The following LRRC37A2 variants were observed in gnomAD, a reference collection of about 807,000 sequenced individuals.
The protein encoded by LRRC37A2 is leucine rich repeat containing 37 member A2, also known as leucine-rich repeat-containing protein 37A2.
LRRC37A2 carries 9 observed loss-of-function variants against 68.8 expected under a neutral mutation model. The ratio of observed to expected loss-of-function variants is 0.13; its 90% confidence interval spans 0.08 to 0.23. The LOEUF (loss-of-function observed/expected upper bound fraction) is 0.23, where lower values mean the gene tolerates loss of function less well. LRRC37A2 is among the 10% of genes least tolerant of loss of function. The probability of loss-of-function intolerance (pLI) is 1.00; values close to 1 mark genes in which losing one functional copy is unlikely to be tolerated. For synonymous variants in LRRC37A2, 63 were observed against 367.6 expected, an observed-to-expected ratio of 0.17 and a Z score of 9.48; for missense variants, 168 against 950.4, an observed-to-expected ratio of 0.18 and a Z score of 10.82.
the LRRC37A2 span, among the ~76,000 whole-genome samples, chr17:46,723,231 C>T: frequency 6.6e-6 from 1 of 152,186 alleles, no homozygotes; most frequent in Non-Finnish European, 1.5e-5. Flanking sequence ...TGTGGTGTTC[C>T]AGGTCCCTGT....
the LRRC37A2 span, among the ~76,000 whole-genome samples, chr17:46,918,937 T>C: frequency 8.5e-5 from 13 of 152,332 alleles, no homozygotes; most frequent in African/African-American, 3.1e-4. Flanking sequence ...AGATTCAGTT[T>C]AGGTATCATC....
the LRRC37A2 span, among the ~76,000 whole-genome samples, chr17:46,943,444 T>A: frequency 6.6e-6 from 1 of 152,154 alleles, no homozygotes; most frequent in Non-Finnish European, 1.5e-5. Context: ...TCAGTACAGC[T>A]GCACCTTTGC....
chr17:47,036,255 C>G, the LRRC37A2 span, among the ~76,000 whole-genome samples: 1 of 152,108 alleles, frequency 6.6e-6, no homozygotes, highest in African/African-American at 2.4e-5. Flanking sequence ...TAAAAAGGTT[C>G]AGTGTTTGGT....
chr17:46,899,988 C>T, the LRRC37A2 span, among the ~76,000 whole-genome samples: 4 of 151,280 alleles, frequency 2.6e-5, no homozygotes, highest in Admixed American at 6.6e-5. Context: ...GTCACTCAAC[C>T]CCCGTGAGTC....
At chr17:46,771,357 G>A in the LRRC37A2 span, among the ~76,000 whole-genome samples, 1 of 151,874 alleles carries the variant, frequency 6.6e-6, no homozygotes, top group Non-Finnish European at 1.5e-5. Flanking sequence ...CCCCAGCCCT[G>A]GGGGCGCCTC....
At chr17:46,918,632 CACACACAT>C in the LRRC37A2 span, among the ~76,000 whole-genome samples, 23 of 124,776 alleles carry the variant, frequency 1.8e-4, no homozygotes, top group East Asian at 6.3e-4. Flanking sequence ...CACACACACA[CACACACAT>C]ACAATTTCCC....
the LRRC37A2 span, among the ~76,000 whole-genome samples, chr17:46,953,119 C>T: frequency 1.3e-5 from 2 of 151,896 alleles, no homozygotes; most frequent in African/African-American, 2.4e-5. Context: ...CATATGTATA[C>T]ATGTGCCATG....
At chr17:46,851,139 C>T in the LRRC37A2 span, among the ~76,000 whole-genome samples, 1 of 152,176 alleles carries the variant, frequency 6.6e-6, no homozygotes, top group African/African-American at 2.4e-5. The surrounding 1 kb of genome is among the most constrained non-coding windows in gnomAD (Gnocchi z 4.3). Flanking sequence ...CGCACTTGCC[C>T]GGCAGGAGGG....
chr17:46,823,174 TTATATATA>T, the LRRC37A2 span, among the ~76,000 whole-genome samples: 1 of 128,918 alleles, frequency 7.8e-6, no homozygotes, highest in African/African-American at 3.2e-5. Flanking sequence ...TATTATATAT[TTATATATA>T]ATATATTATA....
the LRRC37A2 span, among the ~76,000 whole-genome samples, chr17:47,014,079 G>A: frequency 3.4e-5 from 5 of 148,016 alleles, no homozygotes; most frequent in East Asian, 1.0e-3. Flanking sequence ...GGCAACAAGA[G>A]TGAGACTCCA....
the LRRC37A2 span, among the ~76,000 whole-genome samples, chr17:46,947,647 C>A: frequency 6.6e-6 from 1 of 152,192 alleles, no homozygotes; most frequent in Non-Finnish European, 1.5e-5. Flanking sequence ...TGTTTATTAG[C>A]AGCCTGACCT....
the LRRC37A2 span, among the ~76,000 whole-genome samples, chr17:46,899,802 A>G: frequency 1.3e-5 from 2 of 152,092 alleles, no homozygotes; most frequent in Admixed American, 1.3e-4. Flanking sequence ...TGTTATTTAG[A>G]ATATGCTAGG....
chr17:46,706,781 CCCAATACTGTGAAACATAT>C, the LRRC37A2 span, among the ~76,000 whole-genome samples: 1 of 129,182 alleles, frequency 7.7e-6, no homozygotes, highest in African/African-American at 3.0e-5. Flanking sequence ...CAACACTGCC[CCCAATACTGTGAAACATAT>C]CCTCTTGTTC....
the LRRC37A2 span, chr17:46,874,841 G>C: frequency 1.7e-6 from 1 of 605,270 alleles, no homozygotes; most frequent in East Asian, 2.8e-5. Flanking sequence ...GCCTCCTAAA[G>C]TGCTGGGATT....
chr17:46,810,920 C>T, the LRRC37A2 span, among the ~76,000 whole-genome samples: 1 of 152,162 alleles, frequency 6.6e-6, no homozygotes, highest in African/African-American at 2.4e-5. Flanking sequence ...CCTCCTCACA[C>T]TGGCCCCTCT....
the LRRC37A2 span, among the ~76,000 whole-genome samples, chr17:46,730,695 A>G: frequency 2.0e-5 from 3 of 152,182 alleles, no homozygotes; most frequent in Non-Finnish European, 4.4e-5. Context: ...TTTTCATTTT[A>G]GTGGGCTCAA....
the LRRC37A2 span, among the ~76,000 whole-genome samples, chr17:46,502,392 T>C: frequency 6.6e-6 from 1 of 151,240 alleles, no homozygotes; most frequent in East Asian, 1.9e-4. Context: ...CTCACTGCAA[T>C]CTCTGCCTCC....
the LRRC37A2 span, among the ~76,000 whole-genome samples, chr17:46,900,322 C>T: frequency 1.3e-5 from 2 of 151,448 alleles, no homozygotes; most frequent in African/African-American, 2.4e-5. Context: ...ATGATCTTGG[C>T]TCACTGCAGC....
chr17:46,914,455 C>T, the LRRC37A2 span, among the ~76,000 whole-genome samples: 10 of 151,832 alleles, frequency 6.6e-5, no homozygotes, highest in African/African-American at 2.4e-5. Flanking sequence ...TCGAGACCAG[C>T]CTGACCAACA....
Sources: allele counts gnomAD v4.1 joint callset (sites outside exome capture counted in the v4.1 genomes callset), GRCh38; gene constraint gnomAD v4.1.1; non-coding constraint Gnocchi (gnomAD v3.1); transcripts MANE v1.5; gene names NCBI Gene and HGNC (gene_info 2026-07-23, HGNC 2026-07-21).